ROBO2: variants seen among roughly 807,000 people sequenced by gnomAD.
ROBO2 encodes the protein roundabout guidance receptor 2.
In ROBO2, 53 loss-of-function variants were observed where a neutral mutation model predicts 160.8. The observed-to-expected ratio is 0.33, with a 90% confidence interval of 0.26 to 0.41. ROBO2 has a LOEUF of 0.41. Among genes scored for constraint, ROBO2 ranks in the 10% least tolerant of loss-of-function variants. The pLI, the probability that ROBO2 is intolerant of heterozygous loss-of-function variation, is 1.00. For missense variants in ROBO2, 1,577 were observed against 1,722.4 expected, an observed-to-expected ratio of 0.92 and a Z score of 1.49; for synonymous variants, 664 against 611.7, an observed-to-expected ratio of 1.09 and a Z score of -1.26.
At chr3:76,388,295 G>A (rs1454588939) in intron 2 of ROBO2, among the ~76,000 whole-genome samples, 1 of 148,668 alleles carries the variant, frequency 6.7e-6, no homozygotes, top group Non-Finnish European at 1.5e-5. Context: ...TTTTTTAGAC[G>A]GAGTCTTGCT....
intron 5 of ROBO2, among the ~76,000 whole-genome samples, chr3:77,511,276 C>A (rs1269814289): frequency 6.6e-6 from 1 of 151,882 alleles, no homozygotes; most frequent in Non-Finnish European, 1.5e-5. Context: ...CAGAAGACAG[C>A]CACAGGCTAC....
chr3:76,585,360 T>G (rs2085966532), intron 2 of ROBO2, among the ~76,000 whole-genome samples: 1 of 152,212 alleles, frequency 6.6e-6, no homozygotes, highest in Non-Finnish European at 1.5e-5. Flanking sequence ...TCATGTTAGC[T>G]CACTAAAAAT....
At chr3:76,387,243 G>C in intron 2 of ROBO2, among the ~76,000 whole-genome samples, 1 of 152,112 alleles carries the variant, frequency 6.6e-6, no homozygotes, top group Non-Finnish European at 1.5e-5. Flanking sequence ...AATCCTGTTG[G>C]GTTGGGTATT....
intron 5 of ROBO2, among the ~76,000 whole-genome samples, chr3:77,520,163 T>G (rs1033250135): frequency 7.9e-5 from 12 of 151,394 alleles, no homozygotes; most frequent in Non-Finnish European, 1.8e-4. Flanking sequence ...TAACTAAATA[T>G]TTGCTGAATA....
intron 2 of ROBO2, among the ~76,000 whole-genome samples, chr3:76,628,413 C>T (rs2089808487): frequency 1.3e-5 from 2 of 149,128 alleles, no homozygotes; most frequent in Middle Eastern, 3.4e-3. Context: ...TACAGTCACT[C>T]GCTATCCACT....
intron 2 of ROBO2, among the ~76,000 whole-genome samples, chr3:76,827,702 C>A (rs913848245): frequency 6.6e-6 from 1 of 152,062 alleles, no homozygotes; most frequent in Non-Finnish European, 1.5e-5. Flanking sequence ...TGTACAACCT[C>A]CTCCAAATTT....
chr3:77,590,442 C>T (rs143092421), intron 17 of ROBO2, among the ~76,000 whole-genome samples: 4 of 152,134 alleles, frequency 2.6e-5, no homozygotes, highest in East Asian at 3.9e-4. Flanking sequence ...TTATGCAGTC[C>T]GGTTCTCTGC....
intron 2 of ROBO2, among the ~76,000 whole-genome samples, chr3:76,691,949 G>A (rs557790662): frequency 6.6e-5 from 10 of 152,168 alleles, no homozygotes; most frequent in Non-Finnish European, 8.8e-5. Flanking sequence ...GAAGAGCCAA[G>A]TTACATCTTA....
At chr3:77,246,803 G>C (rs1267301527) in intron 2 of ROBO2, among the ~76,000 whole-genome samples, 1 of 152,036 alleles carries the variant, frequency 6.6e-6, no homozygotes, top group Non-Finnish European at 1.5e-5. Flanking sequence ...GCCATTTCTT[G>C]GAGACAATTT....
intron 1 of ROBO2, among the ~76,000 whole-genome samples, chr3:75,931,396 A>G (rs7625724): frequency 0.13 from 20,133 of 151,950 alleles, 4,321 homozygotes; most frequent in African/African-American, 0.45. Flanking sequence ...CTGTCACCCA[A>G]GCTGGAGTGC....
chr3:76,776,075 C>A (rs1275474988), intron 2 of ROBO2, among the ~76,000 whole-genome samples: 2 of 150,820 alleles, frequency 1.3e-5, no homozygotes, highest in Non-Finnish European at 3.0e-5. Flanking sequence ...TATGTAACTT[C>A]TTTCTCTACT....
In ROBO2 at chr3:77,176,214, G is replaced by A. The variant is rs542829929; in HGVS notation, c.388+77874G>A. 2.0e-5 allele frequency among the ~76,000 whole-genome samples: 3 copies of A among 151,250 alleles called. No homozygotes were observed. In the South Asian group the frequency reaches 6.2e-4, roughly 31 times the overall value. On this transcript the variant is annotated intron_variant, in intron 2 of 25. Transcript: ENST00000461745. ...ATTCATTTACTTCAGAGCTAATTGAGAAAAAAAAGGTGTTTAATTCATCCA... is the reference window on the plus strand; with the variant it reads ...ATTCATTTACTTCAGAGCTAATTGAAAAAAAAAAGGTGTTTAATTCATCCA...
At chr3:77,303,623 G>A (rs768741111) in intron 2 of ROBO2, among the ~76,000 whole-genome samples, 1 of 152,042 alleles carries the variant, frequency 6.6e-6, no homozygotes, top group Non-Finnish European at 1.5e-5. Flanking sequence ...TTATAACTGA[G>A]TTTGTACACT....
At chr3:77,499,200 A>G (rs539659687) in intron 5 of ROBO2, among the ~76,000 whole-genome samples, 7 of 152,318 alleles carry the variant, frequency 4.6e-5, no homozygotes, top group African/African-American at 1.4e-4. Flanking sequence ...TAGTTTATTT[A>G]CACTGCCGTT....
intron 2 of ROBO2, among the ~76,000 whole-genome samples, chr3:76,965,842 A>G (rs2059257939): frequency 6.9e-6 from 1 of 144,046 alleles, no homozygotes; most frequent in South Asian, 2.1e-4. Context: ...TTTTGTGGAC[A>G]CTAGGGAAGA....
intron 2 of ROBO2, among the ~76,000 whole-genome samples, chr3:76,101,096 G>T (rs943956334): frequency 1.3e-5 from 2 of 152,046 alleles, no homozygotes; most frequent in South Asian, 2.1e-4. Context: ...GCAAGAAAAC[G>T]TGTAACAGGG....
chr3:76,327,425 G>T (rs1047754622), intron 2 of ROBO2, among the ~76,000 whole-genome samples: 3 of 152,088 alleles, frequency 2.0e-5, no homozygotes, highest in African/African-American at 7.2e-5. Flanking sequence ...AATATGTGAA[G>T]AAGTGCTTTC....
intron 2 of ROBO2, among the ~76,000 whole-genome samples, chr3:76,171,285 AC>A (rs1408367971): frequency 2.0e-5 from 3 of 151,522 alleles, no homozygotes; most frequent in African/African-American, 7.3e-5. Context: ...AAAACTCTGG[AC>A]CCCAAATCTC....
chr3:76,223,336 C>T (rs1234524652), intron 2 of ROBO2, among the ~76,000 whole-genome samples: 1 of 151,620 alleles, frequency 6.6e-6, no homozygotes. Flanking sequence ...CGGGGTTAAC[C>T]CCCTCAGATA....
Sources: gnomAD v4.1 joint callset for allele counts (sites outside exome capture counted in the v4.1 genomes callset) on GRCh38, gnomAD v4.1.1 for gene constraint, MANE v1.5 for transcripts, NCBI Gene and HGNC (gene_info 2026-07-23, HGNC 2026-07-21) for gene names.